Variants in MED13 observed in about 807,000 individuals in gnomAD.
The protein encoded by MED13 is mediator of RNA polymerase II transcription subunit 13.
Under a neutral mutation model 225.2 loss-of-function variants are expected in MED13, and 23 were observed. The ratio of observed to expected loss-of-function variants is 0.10; its 90% CI spans 0.07 to 0.14. The LOEUF is 0.14. Among genes scored for constraint, MED13 ranks in the 10% least tolerant of loss-of-function variants. The pLI, the probability that MED13 is intolerant of heterozygous loss-of-function variation, is 1.00. For synonymous variants in MED13, 942 were observed against 889.2 expected (o/e 1.06, Z -1.06); for missense variants, 2,197 against 2,594.5 (o/e 0.85, Z 3.33).
At chr17:61,988,014 T>C (rs2080263456) in intron 11 of MED13, among the ~76,000 whole-genome samples, 1 of 152,060 alleles carries the variant, frequency 6.6e-6, no homozygotes, top group Non-Finnish European at 1.5e-5. Flanking sequence ...AGTGCTGGGA[T>C]TACAGGTGTG....
intron 8 of MED13, among the ~76,000 whole-genome samples, chr17:62,012,919 A>G (rs2080525866): frequency 2.0e-5 from 3 of 151,948 alleles, no homozygotes; most frequent in African/African-American, 4.8e-5. Flanking sequence ...CAGCCTCCCA[A>G]GTAGCTGGAA....
At chr17:61,949,272 C>T (rs1342920520) in intron 28 of MED13, among the ~76,000 whole-genome samples, 2 of 152,118 alleles carry the variant, frequency 1.3e-5, no homozygotes, top group African/African-American at 4.8e-5. Context: ...TGTCACCTAG[C>T]TGGAGTGCAG....
chr17:61,956,250 T>A (rs1469412639), intron 24 of MED13, 89 bp downstream of exon 24: 27 of 1,263,896 alleles, frequency 2.1e-5, no homozygotes, highest in Non-Finnish European at 2.1e-6. Flanking sequence ...CTTTGCATTT[T>A]ATTCAACATA....
chr17:62,022,054 G>C (rs1220414341), intron 8 of MED13, among the ~76,000 whole-genome samples: 1 of 151,884 alleles, frequency 6.6e-6, no homozygotes, highest in African/African-American at 2.4e-5. Context: ...TGTAGCACCA[G>C]CTACTCAGGA....
At chr17:62,015,806 CTATA>C (rs1345957196) in intron 8 of MED13, among the ~76,000 whole-genome samples, 1 of 122,538 alleles carries the variant, frequency 8.2e-6, no homozygotes, top group Non-Finnish European at 1.7e-5. Context: ...CTATATATAT[CTATA>C]TATATACATA....
chr17:61,996,577 C>A (rs2080348746), intron 9 of MED13, among the ~76,000 whole-genome samples: 1 of 152,046 alleles, frequency 6.6e-6, no homozygotes, highest in Non-Finnish European at 1.5e-5. Context: ...CTGGCTATTT[C>A]TTTTATGGGG....
At chr17:61,990,412 A>G (rs889679531) in intron 11 of MED13, among the ~76,000 whole-genome samples, 1 of 152,068 alleles carries the variant, frequency 6.6e-6, no homozygotes, top group Non-Finnish European at 1.5e-5. Flanking sequence ...GTGGGGTTAC[A>G]ATAGGAGACT....
At chr17:62,052,752 A>G (rs745396004) in intron 2 of MED13, 47 bp from the exon 3 acceptor site, 1 of 1,382,746 alleles carries the variant, frequency 7.2e-7, no homozygotes, top group Non-Finnish European at 9.7e-7. Flanking sequence ...ACTATAATCT[A>G]TTCAGAGCCA....
intron 9 of MED13, among the ~76,000 whole-genome samples, chr17:62,008,745 A>C (rs766241097): frequency 6.6e-6 from 1 of 152,158 alleles, no homozygotes; most frequent in Non-Finnish European, 1.5e-5. Flanking sequence ...CAAAACCAAA[A>C]AGAAGCCACT....
intron 10 of MED13, 136 bp downstream of exon 10, chr17:61,995,016 T>A: frequency 1.4e-6 from 1 of 716,414 alleles, no homozygotes; most frequent in Non-Finnish European, 2.2e-6. Context: ...CGGGCAAAAA[T>A]AAGTTTTTCT....
At chr17:62,058,940 A>C (rs1361839128) in intron 2 of MED13, among the ~76,000 whole-genome samples, 1 of 152,238 alleles carries the variant, frequency 6.6e-6, no homozygotes. Context: ...ACATCAGCTA[A>C]ACTTGAAAGG....
chr17:62,031,191 G>A (rs1567989728), intron 6 of MED13: 2 of 324,994 alleles, frequency 6.2e-6, no homozygotes, highest in Non-Finnish European at 1.1e-5. Context: ...GTACACAGGA[G>A]TGATGGGACA....
chr17:62,019,996 G>A (rs182720664), intron 8 of MED13, among the ~76,000 whole-genome samples: 1 of 151,946 alleles, frequency 6.6e-6, no homozygotes, highest in East Asian at 1.9e-4. Flanking sequence ...CGCCCGCCTC[G>A]GCCTCCCAAA....
chr17:61,965,630 T>C (rs2143374134), intron 19 of MED13, among the ~76,000 whole-genome samples, 162 bp from the exon 20 acceptor site: 1 of 152,138 alleles, frequency 6.6e-6, no homozygotes, highest in South Asian at 2.1e-4. Flanking sequence ...CTTTCTATTT[T>C]CCCCTAGAGA....
intron 8 of MED13, among the ~76,000 whole-genome samples, chr17:62,016,537 A>G (rs2080583326): frequency 6.6e-6 from 1 of 152,244 alleles, no homozygotes; most frequent in Non-Finnish European, 1.5e-5. Context: ...AATGGTAGCC[A>G]CAAGTTACAT....
intron 18 of MED13, 49 bp from the exon 19 acceptor site, chr17:61,966,700 T>G: frequency 1.5e-6 from 2 of 1,297,048 alleles, no homozygotes; most frequent in Non-Finnish European, 2.1e-6. Flanking sequence ...ATTATTGTAT[T>G]TAGATACACA....
intron 17 of MED13, 112 bp downstream of exon 17, chr17:61,972,615 A>G: frequency 9.7e-7 from 1 of 1,026,712 alleles, no homozygotes; most frequent in Non-Finnish European, 1.4e-6. Flanking sequence ...AGTGGCCTTA[A>G]GAATATATCA....
rs376094369 is a variant in MED13, at chr17:61,961,764, A to G, written c.5080T>C (p.Tyr1694His). ...TCATGCTTCACAGGTTGCAACAGGT[A>G]CTGACAAGGAATAATCTAAGAAGTA... ...TVSVQIIPCQYLLQPVKHEDR... is the reference protein window; with the variant it reads ...TVSVQIIPCQHLLQPVKHEDR... Residue 1694 changes from tyrosine (Y) to histidine (H), a missense_variant, in exon 22 of 30, where the codon TAC becomes CAC. Coordinates refer to ENST00000397786, the MANE Select transcript of MED13 (RefSeq NM_005121.3). 8 of 1,613,472 alleles carry G rather than the reference A, an allele frequency of 5.0e-6. No homozygotes were observed. The highest frequency in any genetic ancestry group is 6.8e-6 in the Non-Finnish European group (8 of 1,179,530).
In MED13 at chr17:61,946,263, T is replaced by C. The variant is rs972906971; in HGVS notation, c.*205A>G. ...GTTATAATACGTTTTGTATGATCAG[T>C]CATCATCCTAAAGAGTTCAATAGAG... On this transcript the variant is annotated 3_prime_UTR_variant, in exon 30 of 30. Transcript: ENST00000397786. 1.5e-5 allele frequency: 8 copies of C among 521,156 alleles called. No homozygotes were observed. Among genetic ancestry groups the C allele is most frequent in the African/African-American group, 1.2e-4 (6 of 51,780 alleles). 32.3% of individuals were successfully genotyped at this position (521,156 alleles called of 1,614,324 possible).
Sources: gnomAD v4.1 joint callset for allele counts (sites outside exome capture counted in the v4.1 genomes callset) on GRCh38, gnomAD v4.1.1 for gene constraint, MANE v1.5 for transcripts, NCBI Gene and HGNC (gene_info 2026-07-23, HGNC 2026-07-21) for gene names.